The following DLG2 variants were observed in gnomAD, a reference collection of about 807,000 sequenced individuals.
DLG2 encodes disks large homolog 2.
In DLG2, 45 loss-of-function variants were observed where a neutral mutation model predicts 132.5. The observed-to-expected ratio is 0.34, with a 90% CI of 0.27 to 0.44. DLG2 has a LOEUF of 0.44. Ranked by LOEUF, DLG2 falls within the 20% of genes least tolerant of loss-of-function variation. DLG2 has a pLI of 1.00. For synonymous variants in DLG2, 424 were observed against 419.6 expected (o/e 1.01, Z -0.13); for missense variants, 1,045 against 1,196.9 (o/e 0.87, Z 1.87).
intron 10 of DLG2, among the ~76,000 whole-genome samples, chr11:84,066,024 G>A (rs547272255): frequency 3.3e-5 from 5 of 152,168 alleles, no homozygotes; most frequent in Admixed American, 6.5e-5. Flanking sequence ...CTTGGAGTAC[G>A]TATGGACACA....
Position 85,065,368 on chromosome 11 carries a change from A to G in DLG2, c.357+46293T>C, listed in dbSNP as rs76719801. On this transcript the variant is annotated intron_variant, in intron 6 of 27. Coordinates refer to ENST00000376104, the MANE Select transcript of DLG2 (RefSeq NM_001142699.3). ...ACCCCTTGATGGCTCCAGGTTTGGG[A>G]ATCTCTCATTTCTCCTCCACTAGAA... Among the ~76,000 whole-genome samples the G allele has an allele frequency of 4.3e-3, 658 of 151,450 alleles. 3 individuals are homozygous for G. The highest frequency in any genetic ancestry group is 0.015 in the African/African-American group (615 of 41,396).
intron 18 of DLG2, among the ~76,000 whole-genome samples, chr11:83,756,021 G>T (rs555345984): frequency 2.0e-5 from 3 of 151,362 alleles, no homozygotes; most frequent in Middle Eastern, 3.4e-3. Context: ...GATTAAATTG[G>T]GTTGTCTATT....
At chr11:83,841,196 C>T (rs1432191048) in intron 16 of DLG2, among the ~76,000 whole-genome samples, 1 of 152,180 alleles carries the variant, frequency 6.6e-6, no homozygotes, top group East Asian at 1.9e-4. Context: ...ACCTAATACT[C>T]ATAGAACAGT....
chr11:84,260,313 T>C (rs545175097), intron 7 of DLG2, among the ~76,000 whole-genome samples: 10 of 152,282 alleles, frequency 6.6e-5, no homozygotes, highest in African/African-American at 2.4e-4. Context: ...TTTTCTAGAA[T>C]CAATCCTATT....
At chr11:83,687,746 T>C (rs902663837) in intron 18 of DLG2, among the ~76,000 whole-genome samples, 4 of 152,276 alleles carry the variant, frequency 2.6e-5, no homozygotes, top group African/African-American at 9.6e-5. Flanking sequence ...AACATAAATG[T>C]CTGAAGACAA....
intron 6 of DLG2, among the ~76,000 whole-genome samples, chr11:84,859,427 C>T (rs2083304571): frequency 7.1e-6 from 1 of 140,854 alleles, no homozygotes; most frequent in African/African-American, 2.6e-5. Context: ...TATACATATA[C>T]ATATATATGT....
At chr11:83,866,835 C>A (rs1595667844) in intron 16 of DLG2, among the ~76,000 whole-genome samples, 1 of 152,092 alleles carries the variant, frequency 6.6e-6, no homozygotes, top group African/African-American at 2.4e-5. Flanking sequence ...ATTGAGCAGC[C>A]CGCAGTATGT....
chr11:85,026,006 A>C (rs576449), intron 6 of DLG2, among the ~76,000 whole-genome samples: 22,868 of 151,992 alleles, frequency 0.15, 1,904 homozygotes, highest in East Asian at 0.3. Flanking sequence ...TGTACATAAG[A>C]CAATAAAGAT....
chr11:83,628,886 T>C lies in DLG2; in HGVS notation c.1940+4325A>G, dbSNP rs573919083. On this transcript the variant is annotated intron_variant, in intron 19 of 27. Transcript: ENST00000376104. Reference sequence around the variant, plus strand: ...AGTTAATGAGCTATGATCTCCATTTTTTAAAAAGGAGAGAAACAGAATGGA... The same window carrying C: ...AGTTAATGAGCTATGATCTCCATTTCTTAAAAAGGAGAGAAACAGAATGGA... Among the ~76,000 whole-genome samples the C allele has an allele frequency of 3.9e-5, 6 of 152,286 alleles. No individual in the cohort carries two copies. The South Asian group carries it at 6.2e-4, about 16-fold the overall frequency.
chr11:84,667,423 TA>T (rs1389004874), intron 6 of DLG2, among the ~76,000 whole-genome samples: 1 of 150,024 alleles, frequency 6.7e-6, no homozygotes, highest in Non-Finnish European at 1.5e-5. Context: ...GTCTTTAAAA[TA>T]AAAAAATTGA....
intron 4 of DLG2, among the ~76,000 whole-genome samples, chr11:85,189,682 A>C (rs1247394054): frequency 1.3e-5 from 2 of 152,252 alleles, no homozygotes; most frequent in Admixed American, 6.5e-5. Context: ...TGATGATTAC[A>C]TATGTTAAAA....
intron 7 of DLG2, among the ~76,000 whole-genome samples, chr11:84,345,997 G>A (rs894201616): frequency 2.0e-5 from 3 of 152,126 alleles, no homozygotes; most frequent in South Asian, 2.1e-4. Flanking sequence ...AAAGAAAAGA[G>A]TACTTCTGAA....
chr11:84,780,918 C>T (rs898452173), intron 6 of DLG2, among the ~76,000 whole-genome samples: 8 of 144,502 alleles, frequency 5.5e-5, no homozygotes, highest in African/African-American at 1.5e-4. Context: ...TTGTTTAGAA[C>T]GGCTGAGTAG....
intron 17 of DLG2, among the ~76,000 whole-genome samples, chr11:83,787,340 T>TTTTTTTTCTTTTTTG (rs66699053): frequency 9.7e-6 from 1 of 102,756 alleles, no homozygotes; most frequent in Non-Finnish European, 1.8e-5. Context: ...TTTTTTTTTT[T>TTTTTTTTCTTTTTTG]AGACAGAGTC....
At chr11:85,026,285 G>C (rs1234398389) in intron 6 of DLG2, among the ~76,000 whole-genome samples, 1 of 152,056 alleles carries the variant, frequency 6.6e-6, no homozygotes, top group African/African-American at 2.4e-5. Flanking sequence ...TTAGAAAATG[G>C]TAATTTAAAA....
chr11:84,099,059 A>T lies in DLG2; in HGVS notation c.625-12T>A, dbSNP rs997005089. 1.5e-5 allele frequency: 24 copies of T among 1,611,636 alleles called. No homozygotes were observed. Among genetic ancestry groups the T allele is most frequent in the African/African-American group, 4.0e-5 (3 of 74,858 alleles). On this transcript the variant is annotated splice_polypyrimidine_tract_variant and intron_variant, in intron 9 of 27. Transcript: ENST00000376104. ...AGGCCAGAATTCCCCTATAGAAACAAAAAGCAGATATTAAATGATGTGTCT... is the reference window on the plus strand; with the variant it reads ...AGGCCAGAATTCCCCTATAGAAACATAAAGCAGATATTAAATGATGTGTCT...
chr11:84,802,365 CCAGCAGCAGCAGCAG>C (rs371131136), intron 6 of DLG2, among the ~76,000 whole-genome samples: 20 of 150,042 alleles, frequency 1.3e-4, no homozygotes, highest in African/African-American at 4.4e-4. Context: ...ACTCCGGAAC[CCAGCAGCAGCAGCAG>C]CAGCAGCAGC....
chr11:84,569,624 C>A (rs1489361043), intron 6 of DLG2, among the ~76,000 whole-genome samples: 1 of 152,082 alleles, frequency 6.6e-6, no homozygotes, highest in Non-Finnish European at 1.5e-5. Flanking sequence ...CAACAGCAGA[C>A]TTGATCAAGA....
At chr11:84,436,814 T>TACCTGATTATA (rs2099002207) in intron 7 of DLG2, among the ~76,000 whole-genome samples, 1 of 152,210 alleles carries the variant, frequency 6.6e-6, no homozygotes, top group African/African-American at 2.4e-5. Context: ...TGGCCACAAC[T>TACCTGATTATA]ACCTGATTAT....
Sources: gnomAD v4.1 joint callset for allele counts (sites outside exome capture counted in the v4.1 genomes callset) on GRCh38, gnomAD v4.1.1 for gene constraint, MANE v1.5 for transcripts, NCBI Gene and HGNC (gene_info 2026-07-23, HGNC 2026-07-21) for gene names.